HDAC9: variants seen among roughly 807,000 people sequenced by gnomAD.
HDAC9 encodes the protein histone deacetylase 9, also known as MEF-2 interacting transcription repressor (MITR) protein.
HDAC9 carries 41 observed loss-of-function variants against 139.4 expected under a neutral mutation model. The ratio of observed to expected loss-of-function variants is 0.29; its 90% confidence interval spans 0.23 to 0.38. The LOEUF (loss-of-function observed/expected upper bound fraction) is 0.38, where lower values mean the gene tolerates loss of function less well. Among genes scored for constraint, HDAC9 ranks in the 10% least tolerant of loss-of-function variants. The pLI, the probability that HDAC9 is intolerant of heterozygous loss-of-function variation, is 1.00. For synonymous variants in HDAC9, 517 were observed against 476.2 expected (o/e 1.09, Z -1.12); for missense variants, 1,147 against 1,297.0 (o/e 0.88, Z 1.78).
intron 1 of HDAC9, among the ~76,000 whole-genome samples, chr7:18,417,134 C>G (rs1789149324): frequency 6.6e-6 from 1 of 152,138 alleles, no homozygotes; most frequent in Admixed American, 6.5e-5. Context: ...AATTTTCTAT[C>G]TGTGCTTTCT....
At chr7:18,714,962 T>TAA (rs1784595903) in intron 12 of HDAC9, among the ~76,000 whole-genome samples, 1 of 152,244 alleles carries the variant, frequency 6.6e-6, no homozygotes, top group Admixed American at 6.5e-5. Context: ...AAAAGTGTTT[T>TAA]AAATTATCAA....
chr7:18,261,649 G>T (rs1451559243), intron 2 of HDAC9, among the ~76,000 whole-genome samples: 1 of 152,236 alleles, frequency 6.6e-6, no homozygotes, highest in Admixed American at 6.5e-5. Context: ...GGCTTATGCA[G>T]AAAACAAGCA....
intron 1 of HDAC9, among the ~76,000 whole-genome samples, chr7:18,296,127 A>G (rs1368932799): frequency 6.6e-6 from 1 of 152,192 alleles, no homozygotes; most frequent in Non-Finnish European, 1.5e-5. Flanking sequence ...GTGAATAAAT[A>G]AAAGTATTGT....
intron 1 of HDAC9, among the ~76,000 whole-genome samples, chr7:18,488,574 A>G (rs1023932044): frequency 3.3e-5 from 5 of 151,970 alleles, no homozygotes; most frequent in Admixed American, 6.6e-5. Flanking sequence ...CAAATGGTGT[A>G]TTCAGTGAAA....
In HDAC9 at chr7:18,432,868, A is replaced by G. The variant is rs552399485; in HGVS notation, c.-41-63394A>G. On this transcript the variant is annotated intron_variant, in intron 1 of 3. Transcript: ENST00000413509. Reference sequence around the variant, plus strand: ...CGGGAGGCTGAGGCAGGAGAATGGCATGAACCCGGGAGGCGGAGCTTGCAG... The same window carrying G: ...CGGGAGGCTGAGGCAGGAGAATGGCGTGAACCCGGGAGGCGGAGCTTGCAG... Among the ~76,000 whole-genome samples, 596 of 151,730 alleles carry G rather than the reference A, an allele frequency of 3.9e-3. 2 individuals carry two copies. Among genetic ancestry groups the G allele is most frequent in the African/African-American group, 0.014 (569 of 41,410 alleles).
At chr7:18,274,652 G>T (rs1029540304) in intron 2 of HDAC9, among the ~76,000 whole-genome samples, 1 of 152,126 alleles carries the variant, frequency 6.6e-6, no homozygotes, top group Non-Finnish European at 1.5e-5. Context: ...AATAATTTGA[G>T]ATATTTTTAT....
intron 2 of HDAC9, among the ~76,000 whole-genome samples, chr7:18,263,101 A>G (rs1035391423): frequency 5.9e-5 from 9 of 152,188 alleles, no homozygotes; most frequent in African/African-American, 1.4e-4. Context: ...TGTATTCTCT[A>G]TGTAAGAGAC....
intron 2 of HDAC9, among the ~76,000 whole-genome samples, chr7:18,212,140 A>G (rs1427393346): frequency 6.6e-6 from 1 of 152,138 alleles, no homozygotes; most frequent in Non-Finnish European, 1.5e-5. Context: ...CTTCATCCCA[A>G]TTTGATGATT....
chr7:18,198,231 G>A (rs1363748091), intron 2 of HDAC9, among the ~76,000 whole-genome samples: 1 of 151,906 alleles, frequency 6.6e-6, no homozygotes, highest in Non-Finnish European at 1.5e-5. Flanking sequence ...AAATATTAAA[G>A]GTGTGACTTT....
intron 25 of HDAC9, among the ~76,000 whole-genome samples, chr7:18,992,419 CATAAA>C (rs1239031676): frequency 6.6e-5 from 10 of 151,984 alleles, no homozygotes; most frequent in Admixed American, 1.3e-4. Flanking sequence ...TTAAAATTTA[CATAAA>C]ATAAAAATAT....
intron 7 of HDAC9, among the ~76,000 whole-genome samples, chr7:18,634,239 C>T (rs576378759): frequency 3.3e-5 from 5 of 152,030 alleles, no homozygotes; most frequent in South Asian, 2.1e-4. Flanking sequence ...CATGGGTTAA[C>T]GACTTGTCTT....
intron 2 of HDAC9, among the ~76,000 whole-genome samples, chr7:18,279,666 A>G (rs1431350178): frequency 4.0e-5 from 6 of 151,846 alleles, no homozygotes; most frequent in African/African-American, 7.3e-5. Flanking sequence ...GGATTTCACC[A>G]TGTTGGCCAG....
intron 7 of HDAC9, among the ~76,000 whole-genome samples, chr7:18,630,656 A>T (rs955730417): frequency 5.3e-5 from 8 of 152,240 alleles, no homozygotes; most frequent in African/African-American, 1.9e-4. Flanking sequence ...TAATAAATAC[A>T]ATTATTTTAC....
At chr7:18,599,505 T>C (rs1833380032) in intron 6 of HDAC9, among the ~76,000 whole-genome samples, 1 of 152,152 alleles carries the variant, frequency 6.6e-6, no homozygotes, top group Non-Finnish European at 1.5e-5. Context: ...AATTTTTTTA[T>C]TGTCTCTATA....
chr7:18,202,695 G>A (rs73681727), intron 2 of HDAC9, among the ~76,000 whole-genome samples: 1,737 of 152,248 alleles, frequency 0.011, 40 homozygotes, highest in African/African-American at 0.04. Context: ...TTCTTTTTGC[G>A]TGAGCAGCTT....
intron 1 of HDAC9, among the ~76,000 whole-genome samples, chr7:18,432,874 C>T (rs1035364030): frequency 2.0e-5 from 3 of 151,772 alleles, no homozygotes; most frequent in East Asian, 3.9e-4. Flanking sequence ...TGGCATGAAC[C>T]CGGGAGGCGG....
chr7:18,493,696 T>G (rs1173643149), upstream of HDAC9, among the ~76,000 whole-genome samples: 1 of 151,820 alleles, frequency 6.6e-6, no homozygotes, highest in African/African-American at 2.4e-5. Context: ...ATCATCAAAT[T>G]GTACACCTGA....
intron 2 of HDAC9, among the ~76,000 whole-genome samples, chr7:18,548,514 T>G (rs991595419): frequency 2.6e-4 from 39 of 152,180 alleles, no homozygotes; most frequent in Admixed American, 9.8e-4. Context: ...GAGATATGTC[T>G]GTAGTTGTAT....
chr7:18,650,839 C>T (rs1488237815), intron 11 of HDAC9, among the ~76,000 whole-genome samples: 1 of 152,060 alleles, frequency 6.6e-6, no homozygotes, highest in Non-Finnish European at 1.5e-5. Flanking sequence ...TATATGTTAA[C>T]CTCTCTCAGC....
Sources: allele counts gnomAD v4.1 joint callset (sites outside exome capture counted in the v4.1 genomes callset), GRCh38; gene constraint gnomAD v4.1.1; transcripts MANE v1.5; gene names NCBI Gene and HGNC (gene_info 2026-07-23, HGNC 2026-07-21).